CACNA2D3: variants seen among roughly 807,000 people sequenced by gnomAD.
The protein encoded by CACNA2D3 is calcium voltage-gated channel auxiliary subunit alpha2delta 3.
A neutral mutation model predicts 160.6 loss-of-function variants in CACNA2D3; 60 were observed. The ratio of observed to expected loss-of-function variants is 0.37; its 90% CI spans 0.30 to 0.46. The LOEUF is 0.46. CACNA2D3 is among the 20% of genes least tolerant of loss of function. The pLI is 1.00. For missense variants in CACNA2D3, 1,205 were observed against 1,365.0 expected, an observed-to-expected ratio of 0.88 and a Z score of 1.85; for synonymous variants, 558 against 492.9, an observed-to-expected ratio of 1.13 and a Z score of -1.75.
chr3:54,896,537 C>T (rs1700192667), intron 25 of CACNA2D3: 2 of 522,450 alleles, frequency 3.8e-6, no homozygotes, highest in South Asian at 2.7e-5. Flanking sequence ...ATCATTTTAC[C>T]CACTCAGAAT....
intron 12 of CACNA2D3, among the ~76,000 whole-genome samples, chr3:54,763,726 C>T (rs371949500): frequency 3.0e-5 from 2 of 66,480 alleles, no homozygotes; most frequent in African/African-American, 4.1e-5. Context: ...TACATATATA[C>T]ATATATATGT....
At chr3:54,664,760 G>A (rs1020876769) in intron 11 of CACNA2D3, among the ~76,000 whole-genome samples, 1 of 152,232 alleles carries the variant, frequency 6.6e-6, no homozygotes, top group Non-Finnish European at 1.5e-5. Context: ...GGGGGACTCA[G>A]AGGCTGGTGC....
At chr3:54,733,293 T>C (rs574006068) in intron 11 of CACNA2D3, among the ~76,000 whole-genome samples, 2 of 152,200 alleles carry the variant, frequency 1.3e-5, no homozygotes, top group Non-Finnish European at 2.9e-5. Flanking sequence ...TTGGCAGTCA[T>C]AGATTTTCAG....
At chr3:54,420,936 T>C (rs1699827603) in intron 4 of CACNA2D3, among the ~76,000 whole-genome samples, 2 of 152,248 alleles carry the variant, frequency 1.3e-5, no homozygotes, top group South Asian at 4.1e-4. Flanking sequence ...GTAATAAATT[T>C]GGAAAACAGA....
intron 11 of CACNA2D3, among the ~76,000 whole-genome samples, chr3:54,667,277 A>T (rs1168503001): frequency 6.6e-6 from 1 of 152,170 alleles, no homozygotes; most frequent in Non-Finnish European, 1.5e-5. Context: ...GGATTAGAAG[A>T]AAACAAAGAG....
chr3:54,742,813 T>C (rs559572461), intron 11 of CACNA2D3, among the ~76,000 whole-genome samples: 59 of 152,360 alleles, frequency 3.9e-4, no homozygotes, highest in African/African-American at 1.3e-3. Context: ...ATTATAATAC[T>C]GATCTTCCAT....
At chr3:54,732,834 G>C (rs1040569749) in intron 11 of CACNA2D3, among the ~76,000 whole-genome samples, 1 of 152,216 alleles carries the variant, frequency 6.6e-6, no homozygotes, top group Non-Finnish European at 1.5e-5. Context: ...CCTCGAAAAA[G>C]TCAAAAGGTC....
chr3:55,027,576 A>G (rs1703589986), intron 35 of CACNA2D3, among the ~76,000 whole-genome samples: 1 of 152,128 alleles, frequency 6.6e-6, no homozygotes, highest in African/African-American at 2.4e-5. Context: ...CCCTGGAAGG[A>G]ATGAGATTTT....
chr3:54,227,027 G>C (rs1314443987), intron 2 of CACNA2D3, among the ~76,000 whole-genome samples: 1 of 152,214 alleles, frequency 6.6e-6, no homozygotes, highest in African/African-American at 2.4e-5. Context: ...GGTAGAGAGA[G>C]CTCTGAACTC....
At chr3:54,542,929 G>T (rs973227900) in intron 5 of CACNA2D3, among the ~76,000 whole-genome samples, 18 of 152,180 alleles carry the variant, frequency 1.2e-4, no homozygotes, top group Non-Finnish European at 1.5e-5. Context: ...AAAAAGACAA[G>T]AGAGAATGAG....
At chr3:54,543,110 T>C (rs1185030484) in intron 5 of CACNA2D3, among the ~76,000 whole-genome samples, 1 of 152,178 alleles carries the variant, frequency 6.6e-6, no homozygotes, top group African/African-American at 2.4e-5. Context: ...TCCCTTCAAA[T>C]ACTCTAGGTA....
chr3:54,812,932 C>G lies in CACNA2D3; in HGVS notation c.1381-3921C>G, dbSNP rs567496368. ...GAGCTAAAACTGATCAAGCATTTAG[C>G]CAGGTCCCTGGTTTAAGGAAAAAGT... On this transcript the variant is annotated intron_variant, in intron 13 of 37. Coordinates refer to ENST00000474759, the MANE Select transcript of CACNA2D3 (RefSeq NM_018398.3). Among the ~76,000 whole-genome samples the G allele has an allele frequency of 5.2e-3, 788 of 152,302 alleles. 8 individuals are homozygous for G. Among genetic ancestry groups the G allele is most frequent in the African/African-American group, 0.018 (741 of 41,570 alleles).
chr3:54,750,111 G>A (rs1473063274), intron 11 of CACNA2D3, among the ~76,000 whole-genome samples: 1 of 152,212 alleles, frequency 6.6e-6, no homozygotes. Context: ...TAAATTAGGA[G>A]TTGTAGAAGT....
chr3:54,726,830 A>T (rs1309247485), intron 11 of CACNA2D3, among the ~76,000 whole-genome samples: 2 of 152,326 alleles, frequency 1.3e-5, no homozygotes, highest in African/African-American at 2.4e-5. Flanking sequence ...AACGTGGGTA[A>T]TACCATTCAG....
intron 35 of CACNA2D3, among the ~76,000 whole-genome samples, chr3:55,051,159 C>T (rs1353367135): frequency 1.3e-5 from 2 of 152,252 alleles, no homozygotes; most frequent in East Asian, 3.9e-4. Flanking sequence ...AACTGTGTTC[C>T]TTTGGAGGAG....
intron 2 of CACNA2D3, among the ~76,000 whole-genome samples, chr3:54,251,853 G>A (rs1017791892): frequency 2.6e-5 from 4 of 152,156 alleles, no homozygotes; most frequent in East Asian, 1.9e-4. Flanking sequence ...GTCATAAAAC[G>A]ATTTCACTTA....
At chr3:54,298,909 C>T (rs187953742) in intron 2 of CACNA2D3, among the ~76,000 whole-genome samples, 1 of 136,236 alleles carries the variant, frequency 7.3e-6, no homozygotes, top group East Asian at 2.3e-4. Flanking sequence ...CACCACTGCA[C>T]TCCAGCCTGA....
intron 27 of CACNA2D3, among the ~76,000 whole-genome samples, chr3:54,933,052 C>T (rs1436595119): frequency 1.6e-3 from 5 of 3,194 alleles, no homozygotes; most frequent in Non-Finnish European, 3.3e-3. Context: ...TCCATCCCTC[C>T]CTTCCTTCCT....
chr3:54,580,272 A>C (rs1702652189), intron 8 of CACNA2D3, among the ~76,000 whole-genome samples: 1 of 152,082 alleles, frequency 6.6e-6, no homozygotes, highest in Non-Finnish European at 1.5e-5. Context: ...TGCCAAGGTC[A>C]GTTTGATCAC....
Sources: gnomAD v4.1 joint callset for allele counts (sites outside exome capture counted in the v4.1 genomes callset) on GRCh38, gnomAD v4.1.1 for gene constraint, MANE v1.5 for transcripts, NCBI Gene and HGNC (gene_info 2026-07-23, HGNC 2026-07-21) for gene names.